Variants in TFDP2 observed in about 807,000 individuals in gnomAD.
TFDP2 encodes the protein transcription factor Dp-2 (E2F dimerization partner 2).
TFDP2 carries 17 observed loss-of-function variants against 59.3 expected under a neutral mutation model. That is an observed-to-expected ratio of 0.29 (90% CI 0.20 to 0.43). The LOEUF is 0.43. TFDP2 is among the 20% of genes least tolerant of loss of function. The probability of loss-of-function intolerance (pLI) is 1.00; values close to 1 mark genes in which losing one functional copy is unlikely to be tolerated. For synonymous variants in TFDP2, 180 were observed against 194.7 expected (o/e 0.92, Z 0.63); for missense variants, 391 against 528.8 (o/e 0.74, Z 2.56).
Position 142,076,150 on chromosome 3 carries a change from G to A in TFDP2, c.82+16911C>T, listed in dbSNP as rs573698544. ...CACTTGAACCCAGGAGGCAGAGGTT[G>A]CAGTGAGCTGAGATCACACCACTGC... On this transcript the variant is annotated intron_variant, in intron 3 of 12. Transcript: ENST00000489671. Among the ~76,000 whole-genome samples, 15 of 150,092 alleles carry A rather than the reference G, an allele frequency of 1.0e-4. No homozygotes were observed. The East Asian group carries it at 2.5e-3, about 25-fold the overall frequency.
At position 141,995,009 on chromosome 3, in the gene TFDP2, A is replaced by C; in HGVS notation, c.308+11T>G. 2 of 1,550,294 alleles carry C rather than the reference A, an allele frequency of 1.3e-6. No homozygotes were observed. The highest frequency in any genetic ancestry group is 1.7e-4 in the Middle Eastern group (1 of 5,798). ...TAAGGTTTTAAAAATAGTAACTTGC[A>C]ACACTCTTACCCAGGGACCCAGCCA... On this transcript the variant is annotated intron_variant, in intron 5 of 12. Transcript: ENST00000489671.
chr3:141,959,989 G>A, intron 10 of TFDP2, 149 bp from the exon 11 acceptor site: 1 of 652,622 alleles, frequency 1.5e-6, no homozygotes, highest in African/African-American at 1.8e-5. Flanking sequence ...GAGTCATTCT[G>A]CTCTGTCAGG....
At chr3:141,978,119 T>A (rs1400584573) in intron 7 of TFDP2, among the ~76,000 whole-genome samples, 8 of 149,432 alleles carry the variant, frequency 5.4e-5, no homozygotes, top group Middle Eastern at 7.0e-3. Context: ...CCAAGGCAGG[T>A]GGATCACCTG....
At chr3:142,043,354 T>A (rs1485526600) in intron 3 of TFDP2, among the ~76,000 whole-genome samples, 1 of 151,474 alleles carries the variant, frequency 6.6e-6, no homozygotes, top group African/African-American at 2.4e-5. Context: ...GCCGCTTATT[T>A]TTACTCTTAT....
chr3:141,966,015 T>A (rs763429300), intron 9 of TFDP2, among the ~76,000 whole-genome samples: 3 of 151,928 alleles, frequency 2.0e-5, no homozygotes, highest in Non-Finnish European at 4.4e-5. Flanking sequence ...CTGTCCCTAG[T>A]GCCACAAGAG....
chr3:142,110,126 C>T (rs752843130), intron 1 of TFDP2, among the ~76,000 whole-genome samples: 1 of 152,034 alleles, frequency 6.6e-6, no homozygotes, highest in Non-Finnish European at 1.5e-5. Context: ...TCAAGAGATC[C>T]ACCCATCTAA....
intron 3 of TFDP2, among the ~76,000 whole-genome samples, chr3:142,030,662 A>G (rs967465158): frequency 2.0e-5 from 3 of 151,840 alleles, no homozygotes; most frequent in African/African-American, 7.3e-5. Context: ...GGGGCTAGAT[A>G]TGGTCACACC....
At position 142,086,584 on chromosome 3, in the gene TFDP2, T is replaced by C. The variant is rs77150425; in HGVS notation, c.82+6477A>G. Among the ~76,000 whole-genome samples, 1,384 of 152,192 alleles carry C rather than the reference T, an allele frequency of 9.1e-3. 9 individuals carry two copies. Among genetic ancestry groups the C allele is most frequent in the Non-Finnish European group, 0.014 (942 of 67,990 alleles). The stretch of plus-strand genomic sequence containing the variant: ...ATCAACAGCCAGATGAAGAAATACA[T>C]AGGGCAAGGTATGGAAGGGCTCCAA... On this transcript the variant is annotated intron_variant, in intron 3 of 12. Coordinates refer to ENST00000489671, the MANE Select transcript of TFDP2 (RefSeq NM_001178139.2).
intron 3 of TFDP2, among the ~76,000 whole-genome samples, chr3:142,019,251 A>G (rs1458356586): frequency 6.6e-6 from 1 of 151,804 alleles, no homozygotes; most frequent in Admixed American, 6.6e-5. Context: ...TTTAGTAGAG[A>G]CGGGGTTTCA....
intron 3 of TFDP2, chr3:142,028,813 A>C: frequency 1.5e-6 from 1 of 659,028 alleles, no homozygotes; most frequent in Non-Finnish European, 1.9e-6. Flanking sequence ...AGAAATTGAA[A>C]AGTGCAGGTC....
At chr3:141,979,175 T>TA (rs1941151392) in intron 6 of TFDP2, among the ~76,000 whole-genome samples, 1 of 152,214 alleles carries the variant, frequency 6.6e-6, no homozygotes, top group South Asian at 2.1e-4. Flanking sequence ...CCTAGTGATG[T>TA]AACCATCGTA....
At chr3:142,016,761 C>A (rs903159421) in intron 3 of TFDP2, among the ~76,000 whole-genome samples, 3 of 152,094 alleles carry the variant, frequency 2.0e-5, no homozygotes, top group African/African-American at 7.2e-5. Context: ...TACTAGGAAA[C>A]CCAACTGATT....
At chr3:142,140,485 C>T (rs1352744711) in intron 1 of TFDP2, among the ~76,000 whole-genome samples, 3 of 152,102 alleles carry the variant, frequency 2.0e-5, no homozygotes, top group East Asian at 1.9e-4. Flanking sequence ...CTGGTTTCTC[C>T]CCATCTTTGT....
At chr3:142,082,450 C>T (rs951818152) in intron 3 of TFDP2, among the ~76,000 whole-genome samples, 6 of 152,066 alleles carry the variant, frequency 3.9e-5, no homozygotes, top group Non-Finnish European at 5.9e-5. Flanking sequence ...TCCACAAAAC[C>T]AATCCCTGGG....
Position 142,101,795 on chromosome 3 carries a change from T to G in TFDP2, c.-46A>C, listed in dbSNP as rs546225197. 8.0e-5 allele frequency: 96 copies of G among 1,206,580 alleles called. No individual in the cohort carries two copies. In the African/African-American group the frequency reaches 1.2e-3, roughly 16 times the overall value. The allele number at this position is 1,206,580 out of a possible 1,614,324, so 74.7% of individuals were successfully genotyped here. ...AGATTCTGTAAAGCCATTAAAAAAA[T>G]AAAAAGAAAAAAACCTTCGTCTTCA... On this transcript the variant is annotated 5_prime_UTR_variant, in exon 2 of 13. Transcript: ENST00000489671.
Position 142,005,434 on chromosome 3 carries a change from T to G in TFDP2, c.186+7A>C. 6.3e-7 allele frequency: 1 copy of G among 1,575,922 alleles called. No homozygotes were observed. Among genetic ancestry groups the G allele is most frequent in the Non-Finnish European group, 8.7e-7 (1 of 1,151,622 alleles). The stretch of plus-strand genomic sequence containing the variant: ...GTTTCAATTCTAAGATTTGATAATT[T>G]TCTTACCATTTGGGGTCCAACATTC... On this transcript the variant is annotated splice_region_variant and intron_variant, in intron 4 of 12. Coordinates refer to ENST00000489671, the MANE Select transcript of TFDP2 (RefSeq NM_001178139.2).
chr3:142,096,743 C>T (rs568325352), intron 2 of TFDP2, among the ~76,000 whole-genome samples: 1 of 152,262 alleles, frequency 6.6e-6, no homozygotes, highest in Admixed American at 6.5e-5. Context: ...TTCTGACTGA[C>T]ATAACATTAC....
intron 3 of TFDP2, among the ~76,000 whole-genome samples, chr3:142,051,267 C>T (rs918242312): frequency 4.6e-5 from 7 of 152,224 alleles, no homozygotes; most frequent in African/African-American, 7.2e-5. Context: ...AGGCCTGGCG[C>T]GGTGGCTCAG....
chr3:142,061,256 C>T (rs894983297), intron 3 of TFDP2, among the ~76,000 whole-genome samples: 1 of 152,028 alleles, frequency 6.6e-6, no homozygotes, highest in Non-Finnish European at 1.5e-5. Context: ...TAATTTACAA[C>T]CAAAAATATA....
Sources: gnomAD v4.1 joint callset for allele counts (sites outside exome capture counted in the v4.1 genomes callset) on GRCh38, gnomAD v4.1.1 for gene constraint, MANE v1.5 for transcripts, NCBI Gene and HGNC (gene_info 2026-07-23, HGNC 2026-07-21) for gene names.